Variants in TTLL8 observed in about 807,000 individuals in gnomAD.
The protein encoded by TTLL8 is tubulin tyrosine ligase like 8, also known as protein monoglycylase TTLL8.
Under a neutral mutation model 77.8 loss-of-function variants are expected in TTLL8, and 65 were observed. The ratio of observed to expected loss-of-function variants is 0.84; its 90% CI spans 0.68 to 1.03. The LOEUF (loss-of-function observed/expected upper bound fraction) is 1.03. TTLL8 is among the 50% of genes least tolerant of loss of function. The pLI is 0.00. For synonymous variants in TTLL8, 402 were observed against 422.8 expected, an observed-to-expected ratio of 0.95 and a Z score of 0.60; for missense variants, 910 against 1,004.5, an observed-to-expected ratio of 0.91 and a Z score of 1.27.
chr22:50,054,245 A>G (rs2061459411), intron 1 of TTLL8, among the ~76,000 whole-genome samples: 3 of 152,162 alleles, frequency 2.0e-5, no homozygotes, highest in Admixed American at 1.3e-4. Context: ...GCCTTTCCCC[A>G]GGTCACTTGC....
intron 3 of TTLL8, among the ~76,000 whole-genome samples, chr22:50,048,284 T>G (rs1395033606): frequency 6.6e-6 from 1 of 152,050 alleles, no homozygotes; most frequent in African/African-American, 2.4e-5. Context: ...ATGAGCAGAA[T>G]GTTTCTGTCT....
chr22:50,047,336 G>C lies in TTLL8; in HGVS notation c.265-40C>G, dbSNP rs775499362. On this transcript the variant is annotated intron_variant, in intron 3 of 13. Coordinates refer to ENST00000266182, the Ensembl canonical transcript of TTLL8. ...GTCTTTATTGATGCCCAGCATTCAA[G>C]GTTCACACCAGCCAGGATGGGATGG... is the stretch of plus-strand genomic sequence containing the variant. The C allele has an allele frequency of 8.1e-6, 11 of 1,359,900 alleles. No individual in the cohort carries two copies. In the South Asian group the frequency reaches 1.0e-4, roughly 13 times the overall value. 84.2% of individuals were successfully genotyped at this position (1,359,900 alleles called of 1,614,324 possible).
rs368640217 is a variant in TTLL8 at position 50,048,387 on chromosome 22, C to G, written c.264+862G>C. Among the ~76,000 whole-genome samples the G allele has an allele frequency of 5.3e-5, 8 of 152,224 alleles. No homozygotes were observed. The South Asian group carries it at 1.7e-3, about 32-fold the overall frequency. Reference sequence around the variant, plus strand: ...ATGAGCCTGAGCCCCTTATGATGGGCTAGCACCCTTATAAAAGAGGCCCCA... The same window carrying G: ...ATGAGCCTGAGCCCCTTATGATGGGGTAGCACCCTTATAAAAGAGGCCCCA... On this transcript the variant is annotated intron_variant, in intron 3 of 13. Transcript: ENST00000266182.
chr22:50,057,535 AGCGGGAGGTCTGGG>A (rs2061485711), upstream of TTLL8, among the ~76,000 whole-genome samples: 4 of 4,766 alleles, frequency 8.4e-4, no homozygotes, highest in East Asian at 5.2e-3. Flanking sequence ...GTCTGGGTTG[AGCGGGAGGTCTGGG>A]TTGGGGGTCA....
intron 1 of TTLL8, among the ~76,000 whole-genome samples, chr22:50,052,796 A>G (rs1370274124): frequency 6.6e-6 from 1 of 152,246 alleles, no homozygotes; most frequent in Non-Finnish European, 1.5e-5. Flanking sequence ...AAAGTAGACA[A>G]ACCCAAGATT....
intron 10 of TTLL8, 89 bp from the exon 12 acceptor site, chr22:50,032,198 C>A: frequency 2.4e-6 from 3 of 1,257,920 alleles, no homozygotes; most frequent in Non-Finnish European, 3.1e-6. Flanking sequence ...TGAGCCCACC[C>A]AGCTGGCTCT....
intron 8 of TTLL8, among the ~76,000 whole-genome samples, chr22:50,038,061 A>G (rs2061348194): frequency 6.6e-6 from 1 of 152,166 alleles, no homozygotes; most frequent in Non-Finnish European, 1.5e-5. Context: ...CTAACTTTAT[A>G]ACTTTAAATT....
rs57629271 is a variant in TTLL8, at chr22:50,028,877, A to G, written c.2203+1553T>C. Among the ~76,000 whole-genome samples the G allele has an allele frequency of 3.4e-3, 14 of 4,096 alleles. 4 individuals are homozygous for G. Among genetic ancestry groups the G allele is most frequent in the African/African-American group, 0.023 (7 of 302 alleles). The allele number at this position is 4,096 out of a possible 152,430, so 2.7% of individuals were successfully genotyped here. ...CCCTCGTAAAGACCCCCATCACACC[A>G]TCCTAAAGACCCCACATACCCTCGT... On this transcript the variant is annotated intron_variant, in intron 12 of 13. Coordinates refer to ENST00000266182, the Ensembl canonical transcript of TTLL8.
At chr22:50,039,800 C>A (rs2061357833) in intron 8 of TTLL8, among the ~76,000 whole-genome samples, 1 of 150,594 alleles carries the variant, frequency 6.6e-6, no homozygotes, top group Non-Finnish European at 1.5e-5. Flanking sequence ...ATCTCACAGA[C>A]CTCACATGTA....
At chr22:50,053,487 G>A (rs2061455099) in intron 1 of TTLL8, among the ~76,000 whole-genome samples, 1 of 152,218 alleles carries the variant, frequency 6.6e-6, no homozygotes, top group Non-Finnish European at 1.5e-5. Flanking sequence ...ATAAAAGCTT[G>A]TGAAATGCAG....
intron 1 of TTLL8, among the ~76,000 whole-genome samples, chr22:50,052,086 C>A (rs2061447011): frequency 6.6e-6 from 1 of 152,086 alleles, no homozygotes; most frequent in South Asian, 2.1e-4. Flanking sequence ...AGTCCCAGCA[C>A]CCACACGAGA....
chr22:50,024,895 T>A (rs1012281463), intron 12 of TTLL8, among the ~76,000 whole-genome samples: 2 of 152,218 alleles, frequency 1.3e-5, no homozygotes, highest in South Asian at 4.1e-4. Flanking sequence ...TTACAGGGGC[T>A]GCTTTAGGTG....
At chr22:50,038,344 T>C (rs2061349635) in intron 8 of TTLL8, among the ~76,000 whole-genome samples, 1 of 152,182 alleles carries the variant, frequency 6.6e-6, no homozygotes, top group Non-Finnish European at 1.5e-5. Context: ...CTTTCTGATC[T>C]TTATGCCTTA....
At chr22:50,039,810 A>G (rs140552462) in intron 8 of TTLL8, among the ~76,000 whole-genome samples, 27 of 106,924 alleles carry the variant, frequency 2.5e-4, no homozygotes, top group Middle Eastern at 0.016. Context: ...CCTCACATGT[A>G]TCAGCGTGGA....
intron 11 of TTLL8, chr22:50,031,480 G>A: frequency 1.1e-6 from 1 of 927,308 alleles, no homozygotes; most frequent in Non-Finnish European, 1.3e-6. Flanking sequence ...CCCTTCCTCG[G>A]TGCCGACGAG....
intron 12 of TTLL8, among the ~76,000 whole-genome samples, chr22:50,028,934 C>CA (rs1236407853): frequency 1.7e-4 from 8 of 47,556 alleles, no homozygotes; most frequent in Non-Finnish European, 2.9e-4. Context: ...CTGAAGACCC[C>CA]CACACACCCT....
upstream of TTLL8, chr22:50,056,985 G>A (rs2061474093): frequency 1.6e-6 from 2 of 1,288,310 alleles, no homozygotes; most frequent in Non-Finnish European, 2.0e-6. This position sits in a 1 kb window ranked among gnomAD's most constrained non-coding sequence, Gnocchi z 4.1. Context: ...TAGAGGAGAG[G>A]GTGTGGTGGT....
At chr22:50,053,398 G>A (rs902474325) in intron 1 of TTLL8, among the ~76,000 whole-genome samples, 1 of 152,170 alleles carries the variant, frequency 6.6e-6, no homozygotes, top group Non-Finnish European at 1.5e-5. Context: ...AGTAACAAGT[G>A]TAGACTGTAA....
At chr22:50,031,590 T>TGCAGCTCCACC in intron 11 of TTLL8, 96 bp downstream of exon 12, 1 of 1,196,818 alleles carries the variant, frequency 8.4e-7, no homozygotes. Context: ...CCCGCTGCAC[T>TGCAGCTCCACC]GGCGGCCTGC....
Sources: allele counts gnomAD v4.1 joint callset (sites outside exome capture counted in the v4.1 genomes callset), GRCh38; gene constraint gnomAD v4.1.1; non-coding constraint Gnocchi (gnomAD v3.1); transcripts MANE v1.5; gene names NCBI Gene and HGNC (gene_info 2026-07-23, HGNC 2026-07-21).